The following ALG5 variants were observed in gnomAD, a reference collection of about 807,000 sequenced individuals.
ALG5 encodes dolichyl-phosphate beta-glucosyltransferase.
In ALG5, 26 loss-of-function variants were observed where a neutral mutation model predicts 51.8. The ratio of observed to expected loss-of-function variants is 0.50; its 90% CI spans 0.37 to 0.70. The LOEUF is 0.70. Ranked by LOEUF, ALG5 falls within the 30% of genes least tolerant of loss-of-function variation. ALG5 has a pLI of 0.00. For missense variants in ALG5, 311 were observed against 399.3 expected (o/e 0.78, Z 1.88); for synonymous variants, 141 against 136.1 (o/e 1.04, Z -0.25).
chr13:36,990,503 T>C (rs975842055), intron 4 of ALG5, among the ~76,000 whole-genome samples: 16 of 152,230 alleles, frequency 1.1e-4, no homozygotes, highest in African/African-American at 3.9e-4. Flanking sequence ...ACACTGTACA[T>C]ACAGCTAATG....
chr13:36,961,977 G>A (rs1490105647), intron 8 of ALG5, among the ~76,000 whole-genome samples: 2 of 152,096 alleles, frequency 1.3e-5, no homozygotes, highest in Non-Finnish European at 2.9e-5. Context: ...TAGTAAAGAC[G>A]AGGTTTCACC....
chr13:36,957,525 C>T (rs896636848), intron 8 of ALG5, among the ~76,000 whole-genome samples: 4 of 152,084 alleles, frequency 2.6e-5, no homozygotes, highest in South Asian at 2.1e-4. Context: ...ACTTACACTG[C>T]GCCTGGAGGC....
chr13:36,976,231 C>T (rs569485981), intron 6 of ALG5, among the ~76,000 whole-genome samples: 6 of 151,030 alleles, frequency 4.0e-5, no homozygotes, highest in African/African-American at 1.2e-4. Flanking sequence ...GAGTTCAAGA[C>T]CCGTCTGGCC....
intron 8 of ALG5, among the ~76,000 whole-genome samples, chr13:36,959,571 G>C (rs2058856320): frequency 6.6e-6 from 1 of 152,062 alleles, no homozygotes; most frequent in Non-Finnish European, 1.5e-5. Flanking sequence ...AAACACTGTG[G>C]AGAAAAAGCT....
intron 6 of ALG5, among the ~76,000 whole-genome samples, chr13:36,985,137 C>T (rs576111535): frequency 1.3e-5 from 2 of 151,754 alleles, no homozygotes; most frequent in South Asian, 4.2e-4. Context: ...CTCTAAATGG[C>T]TTTTAAAAGG....
At chr13:36,975,463 T>A (rs1340206966) in intron 6 of ALG5, among the ~76,000 whole-genome samples, 1 of 152,252 alleles carries the variant, frequency 6.6e-6, no homozygotes, top group Non-Finnish European at 1.5e-5. Context: ...CAAGTTTGAC[T>A]ACCTTTCAAG....
At chr13:36,976,964 A>G (rs949296919) in intron 6 of ALG5, among the ~76,000 whole-genome samples, 1 of 152,196 alleles carries the variant, frequency 6.6e-6, no homozygotes, top group African/African-American at 2.4e-5. Flanking sequence ...ATAAAAAAGA[A>G]CATACTTCTC....
At chr13:36,962,877 C>CT (rs1332472599) in intron 8 of ALG5, among the ~76,000 whole-genome samples, 3 of 152,166 alleles carry the variant, frequency 2.0e-5, no homozygotes, top group African/African-American at 7.2e-5. Context: ...AATAGTTCAA[C>CT]TTTTTTCATA....
chr13:36,965,923 A>G (rs755686010), intron 7 of ALG5, among the ~76,000 whole-genome samples, 197 bp from the exon 8 acceptor site: 2 of 152,180 alleles, frequency 1.3e-5, no homozygotes, highest in Non-Finnish European at 2.9e-5. Context: ...GGAGCAGAGT[A>G]GAGGCACTAG....
chr13:36,956,161 C>A (rs1315003665), intron 8 of ALG5, among the ~76,000 whole-genome samples: 2 of 151,928 alleles, frequency 1.3e-5, no homozygotes, highest in East Asian at 3.9e-4. Flanking sequence ...AGAAAGAAAA[C>A]AATTAATTTG....
At chr13:36,956,067 A>G (rs2058838600) in intron 8 of ALG5, among the ~76,000 whole-genome samples, 1 of 152,238 alleles carries the variant, frequency 6.6e-6, no homozygotes. Flanking sequence ...TGTACAGACA[A>G]CCTATGGATT....
chr13:36,969,503 A>G (rs920156789), intron 7 of ALG5, among the ~76,000 whole-genome samples: 8 of 151,692 alleles, frequency 5.3e-5, no homozygotes, highest in Non-Finnish European at 8.8e-5. Context: ...TTAGTGTGCA[A>G]AAACAAATTT....
At chr13:36,953,526 G>C (rs996183631) in intron 8 of ALG5, among the ~76,000 whole-genome samples, 1 of 152,274 alleles carries the variant, frequency 6.6e-6, no homozygotes, top group Admixed American at 6.5e-5. Flanking sequence ...ACTGTCTAAA[G>C]TCCTTGACTG....
At chr13:36,977,806 A>C (rs1475222638) in intron 6 of ALG5, among the ~76,000 whole-genome samples, 4 of 147,880 alleles carry the variant, frequency 2.7e-5, no homozygotes, top group African/African-American at 5.0e-5. Context: ...AAAAAAAAAA[A>C]AAAAAAAACA....
intron 9 of ALG5, 120 bp downstream of exon 9, chr13:36,952,394 A>G: frequency 1.5e-6 from 1 of 681,086 alleles, no homozygotes; most frequent in Non-Finnish European, 2.5e-6. Flanking sequence ...TGGATCTTTG[A>G]GTCAAGACAG....
chr13:36,952,655 A>C (rs1327575738), intron 8 of ALG5, 56 bp from the exon 9 acceptor site: 1 of 1,040,580 alleles, frequency 9.6e-7, no homozygotes, highest in East Asian at 3.0e-5. Context: ...ACACAACTAC[A>C]TCTCTACCTT....
chr13:36,967,876 ATAAAT>A (rs1272815713), intron 7 of ALG5: 9 of 996,050 alleles, frequency 9.0e-6, no homozygotes, highest in African/African-American at 8.5e-5. Flanking sequence ...AACAATACCT[ATAAAT>A]TATTCTCCTT....
At chr13:36,998,204 AATC>A (rs1160683495) in intron 1 of ALG5, among the ~76,000 whole-genome samples, 1 of 151,852 alleles carries the variant, frequency 6.6e-6, no homozygotes, top group Non-Finnish European at 1.5e-5. Flanking sequence ...CCCCGCCAAA[AATC>A]AATCAATCAA....
chr13:36,995,003 G>T lies in ALG5; in HGVS notation c.271C>A (p.Leu91Ile). The change falls in exon 3 of 10, where the codon CTA becomes ATA. Residue 91 changes from leucine (L) to isoleucine (I), a missense_variant. By Grantham distance (5) the Leu-to-Ile change is conservative. Transcript: ENST00000239891. Reference sequence around the variant, plus strand: ...AAACATGATACCTGTCTCTTCTCTAGATAGCTCAGAGCTTCATCCATCATC... The same window carrying T: ...AAACATGATACCTGTCTCTTCTCTATATAGCTCAGAGCTTCATCCATCATC... ...PVMMDEALSYLEKRQKRDPAF... is the reference protein window; with the variant it reads ...PVMMDEALSYIEKRQKRDPAF... 6.2e-7 allele frequency: 1 copy of T among 1,613,094 alleles called. No homozygotes were observed. The highest frequency in any genetic ancestry group is 8.5e-7 in the Non-Finnish European group (1 of 1,179,340).
Sources: allele counts gnomAD v4.1 joint callset (sites outside exome capture counted in the v4.1 genomes callset), GRCh38; gene constraint gnomAD v4.1.1; transcripts MANE v1.5; gene names NCBI Gene and HGNC (gene_info 2026-07-23, HGNC 2026-07-21).